CIB2: variants seen among roughly 807,000 people sequenced by gnomAD.
CIB2 encodes the protein calcium and integrin binding family member 2.
Under a neutral mutation model 23.1 loss-of-function variants are expected in CIB2, and 19 were observed. That is an observed-to-expected ratio of 0.82 (90% CI 0.57 to 1.21). The LOEUF is 1.21. Among genes scored for constraint, CIB2 ranks in the 50% most tolerant of loss-of-function variants. The pLI, the probability that CIB2 is intolerant of heterozygous loss-of-function variation, is 0.00. For missense variants in CIB2, 220 were observed against 241.5 expected, an observed-to-expected ratio of 0.91 and a Z score of 0.59; for synonymous variants, 94 against 91.7, an observed-to-expected ratio of 1.03 and a Z score of -0.14.
chr15:78,117,956 T>C (rs942344740), intron 2 of CIB2, among the ~76,000 whole-genome samples: 1 of 152,232 alleles, frequency 6.6e-6, no homozygotes, highest in East Asian at 1.9e-4. Context: ...ATATGTGCAG[T>C]TATGTGAATG....
intron 3 of CIB2, chr15:78,110,763 G>A: frequency 2.2e-6 from 1 of 457,592 alleles, no homozygotes; most frequent in Non-Finnish European, 4.4e-6. Flanking sequence ...ATTTTAACAG[G>A]TACGTTAAAG....
At chr15:78,117,339 G>A (rs2074256361) in intron 2 of CIB2, among the ~76,000 whole-genome samples, 1 of 141,974 alleles carries the variant, frequency 7.0e-6, no homozygotes, top group Non-Finnish European at 1.5e-5. Context: ...GAGAAACTGG[G>A]GAAACATTTT....
intron 2 of CIB2, among the ~76,000 whole-genome samples, chr15:78,121,459 G>A (rs1427727805): frequency 6.6e-6 from 1 of 152,162 alleles, no homozygotes; most frequent in Non-Finnish European, 1.5e-5. Flanking sequence ...CCCTGATATG[G>A]TTTGGCTGTG....
Position 78,131,153 on chromosome 15 carries a change from C to T in CIB2, c.51+12G>A, listed in dbSNP as rs752897876. On this transcript the variant is annotated intron_variant, in intron 1 of 5. Transcript: ENST00000258930. The surrounding 1 kb of genome is among the most constrained non-coding windows in gnomAD (Gnocchi z 5.8). ...CGGGGCCTGTGTTGGGGGCCGGGCGCGCCGAGCTCACCTGGTAGTTGTCTA... is the reference window on the plus strand; with the variant it reads ...CGGGGCCTGTGTTGGGGGCCGGGCGTGCCGAGCTCACCTGGTAGTTGTCTA... The T allele has an allele frequency of 6.3e-7, 1 of 1,579,808 alleles. No individual in the cohort carries two copies. The highest frequency in any genetic ancestry group is 1.7e-4 in the Middle Eastern group (1 of 5,952).
intron 2 of CIB2, among the ~76,000 whole-genome samples, chr15:78,119,493 T>A (rs2074288658): frequency 6.6e-6 from 1 of 152,192 alleles, no homozygotes; most frequent in Admixed American, 6.6e-5. Context: ...TGTTTGAGGA[T>A]CCATCATACT....
intron 1 of CIB2, among the ~76,000 whole-genome samples, chr15:78,127,158 G>C (rs1214310330): frequency 9.2e-5 from 14 of 152,222 alleles, no homozygotes; most frequent in Middle Eastern, 3.4e-3. Context: ...CACCACCCAG[G>C]TCCCAAAGGC....
At chr15:78,116,960 CA>C (rs145622847) in intron 2 of CIB2, among the ~76,000 whole-genome samples, 27,633 of 135,656 alleles carry the variant, frequency 0.2, 2,835 homozygotes, top group Non-Finnish European at 0.26. Context: ...TTAAAAGAAC[CA>C]AAAAAAAAAA....
chr15:78,124,995 C>G (rs1437416987), intron 1 of CIB2, among the ~76,000 whole-genome samples: 1 of 152,196 alleles, frequency 6.6e-6, no homozygotes, highest in Non-Finnish European at 1.5e-5. Flanking sequence ...TTTGGCCCAA[C>G]AAGTCTGTCC....
At chr15:78,107,126 T>C (rs191734693) in intron 4 of CIB2, among the ~76,000 whole-genome samples, 1 of 151,608 alleles carries the variant, frequency 6.6e-6, no homozygotes, top group Non-Finnish European at 1.5e-5. Flanking sequence ...TCCCAGCTAC[T>C]CAGGAGGCTG....
At position 78,111,216 on chromosome 15, in the gene CIB2, G is replaced by T; in HGVS notation, c.147C>A (p.Ser49Arg). The T allele has an allele frequency of 6.2e-7, 1 of 1,614,174 alleles. No homozygotes were observed. The highest frequency in any genetic ancestry group is 8.5e-7 in the Non-Finnish European group (1 of 1,180,032). ...GGCTCATGGGCACGTGGACGATGGG[G>T]CTCTTCCTGTAGTCCATTGGGACGA... Reference protein sequence around the residue: ...PNLVPMDYRKSPIVHVPMSLI... With the variant: ...PNLVPMDYRKRPIVHVPMSLI... The change falls in exon 3 of 6, where the codon AGC becomes AGA. Residue 49 changes from serine (S) to arginine (R), a missense_variant. Transcript: ENST00000258930.
intron 1 of CIB2, among the ~76,000 whole-genome samples, chr15:78,125,329 C>A (rs1471826827): frequency 1.3e-5 from 2 of 152,124 alleles, no homozygotes; most frequent in Non-Finnish European, 1.5e-5. Context: ...GTGAGAAGGG[C>A]CAGGGCTCTC....
At chr15:78,108,265 C>T (rs867174770) in intron 4 of CIB2, among the ~76,000 whole-genome samples, 16 of 151,922 alleles carry the variant, frequency 1.1e-4, no homozygotes, top group African/African-American at 3.4e-4. Context: ...CCTGATAGGC[C>T]CTGCTGCCTT....
At chr15:78,126,148 C>CG (rs141063235) in intron 1 of CIB2, among the ~76,000 whole-genome samples, 12,097 of 149,208 alleles carry the variant, frequency 0.081, 785 homozygotes, top group African/African-American at 0.17. Flanking sequence ...CTGCCCCCCC[C>CG]CCTTTTTTTT....
At position 78,131,193 on chromosome 15, in the gene CIB2, A is replaced by C. The variant is rs1246081725; in HGVS notation, c.23T>G (p.Phe8Cys). Reference protein sequence around the residue: MGNKQTIFTEEQLDNYQD... With the variant: MGNKQTICTEEQLDNYQD... Reference sequence around the variant, plus strand: ...GTAGTTGTCTAGCTGCTCTTCGGTGAAGATGGTCTGCTTGTTCCCCATGGT... The same window carrying C: ...GTAGTTGTCTAGCTGCTCTTCGGTGCAGATGGTCTGCTTGTTCCCCATGGT... Residue 8 changes from phenylalanine to cysteine, a missense_variant, in exon 1 of 6, where the codon TTC becomes TGC. Physicochemically the swap from Phe to Cys is radical, Grantham distance 205 (BLOSUM62 -2). Coordinates refer to ENST00000258930, the MANE Select transcript of CIB2 (RefSeq NM_006383.4). The surrounding 1 kb of genome is among the most constrained non-coding windows in gnomAD (Gnocchi z 5.8). 1.3e-5 allele frequency: 20 copies of C among 1,589,156 alleles called. No homozygotes were observed. Among genetic ancestry groups the C allele is most frequent in the African/African-American group, 2.7e-5 (2 of 73,796 alleles).
chr15:78,127,713 C>T (rs947515643), intron 1 of CIB2, among the ~76,000 whole-genome samples: 1 of 152,160 alleles, frequency 6.6e-6, no homozygotes, highest in African/African-American at 2.4e-5. Flanking sequence ...ATGGGCCCTC[C>T]CAGCTCTAAT....
chr15:78,129,563 G>GT (rs947156191), intron 1 of CIB2, among the ~76,000 whole-genome samples: 41 of 152,166 alleles, frequency 2.7e-4, no homozygotes, highest in Non-Finnish European at 5.9e-5. Flanking sequence ...CTCAAGTGCT[G>GT]TATCGTTTCT....
At chr15:78,126,253 CT>C (rs2074380303) in intron 1 of CIB2, among the ~76,000 whole-genome samples, 1 of 151,554 alleles carries the variant, frequency 6.6e-6, no homozygotes, top group Admixed American at 6.6e-5. Context: ...AGTGATTCTC[CT>C]GTCTCAGCCT....
chr15:78,129,786 C>T (rs561243444), intron 1 of CIB2, among the ~76,000 whole-genome samples: 2 of 152,194 alleles, frequency 1.3e-5, no homozygotes, highest in East Asian at 1.9e-4. Flanking sequence ...AGTCAAGATT[C>T]GAAATCCTGT....
At chr15:78,129,200 C>T (rs2074421630) in intron 1 of CIB2, among the ~76,000 whole-genome samples, 1 of 152,016 alleles carries the variant, frequency 6.6e-6, no homozygotes, top group Non-Finnish European at 1.5e-5. Flanking sequence ...TCAGGCTCAC[C>T]CCCACTCAGC....
Sources: allele counts gnomAD v4.1 joint callset (sites outside exome capture counted in the v4.1 genomes callset), GRCh38; gene constraint gnomAD v4.1.1; non-coding constraint Gnocchi (gnomAD v3.1); transcripts MANE v1.5; gene names NCBI Gene and HGNC (gene_info 2026-07-23, HGNC 2026-07-21).